Variants in ARHGAP6 observed in about 807,000 individuals in gnomAD.
ARHGAP6 encodes Rho GTPase activating protein 6, also known as rho GTPase-activating protein 6.
Under a neutral mutation model 55.7 loss-of-function variants are expected in ARHGAP6, and 16 were observed. The ratio of observed to expected loss-of-function variants is 0.29; its 90% CI spans 0.19 to 0.44. The LOEUF (loss-of-function observed/expected upper bound fraction) is 0.44, where lower values mean the gene tolerates loss of function less well. Ranked by LOEUF, ARHGAP6 falls within the 20% of genes least tolerant of loss-of-function variation. The pLI is 1.00. For synonymous variants in ARHGAP6, 382 were observed against 360.9 expected (o/e 1.06, Z -0.66); for missense variants, 698 against 808.9 (o/e 0.86, Z 1.66).
At chrX:11,515,547 C>T (rs1296669595) in intron 1 of ARHGAP6, among the ~76,000 whole-genome samples, 4 of 111,649 alleles carry the variant, frequency 3.6e-5, no homozygotes, top group African/African-American at 9.8e-5. Flanking sequence ...CAAATTTCTG[C>T]GCTTGGCTAA....
chrX:11,314,810 G>A (rs931856963), intron 1 of ARHGAP6, among the ~76,000 whole-genome samples: 6 of 111,746 alleles, frequency 5.4e-5, no homozygotes, highest in African/African-American at 2.0e-4. Flanking sequence ...GGAGGAGGGA[G>A]AGGAACAGGA....
chrX:11,363,869 T>C (rs1258767351), intron 1 of ARHGAP6, among the ~76,000 whole-genome samples: 4 of 112,293 alleles, frequency 3.6e-5, no homozygotes, highest in African/African-American at 1.3e-4. Flanking sequence ...CAAAGGAATA[T>C]AAATTGTTCT....
intron 1 of ARHGAP6, chrX:11,427,909 G>A (rs866042487): frequency 3.8e-6 from 2 of 522,981 alleles, no homozygotes; most frequent in Non-Finnish European, 4.7e-6. Context: ...AATTCCTTCC[G>A]CTCCTGGCGG....
intron 1 of ARHGAP6, among the ~76,000 whole-genome samples, chrX:11,267,380 C>T (rs754975734): frequency 9.0e-6 from 1 of 111,667 alleles, no homozygotes; most frequent in Non-Finnish European, 1.9e-5. Context: ...CAGTAGGTTA[C>T]ATTATTATCC....
intron 1 of ARHGAP6, among the ~76,000 whole-genome samples, chrX:11,281,334 G>A (rs1454518913): frequency 9.0e-6 from 1 of 110,949 alleles, no homozygotes; most frequent in Non-Finnish European, 1.9e-5. Flanking sequence ...ATCTGGCACA[G>A]GTGTGTTCAC....
At chrX:11,555,968 T>C (rs1165481458) in intron 1 of ARHGAP6, among the ~76,000 whole-genome samples, 1 of 110,845 alleles carries the variant, frequency 9.0e-6, no homozygotes, top group Admixed American at 9.6e-5. Flanking sequence ...GAAACGGAAG[T>C]TCACTGGAGG....
chrX:11,457,905 T>C (rs1207233029), intron 1 of ARHGAP6, among the ~76,000 whole-genome samples: 1 of 112,248 alleles, frequency 8.9e-6, no homozygotes, highest in East Asian at 2.8e-4. Flanking sequence ...TCTTCCTTAC[T>C]TTCTCACTGT....
chrX:11,579,050 A>G (rs1193640570), intron 1 of ARHGAP6, among the ~76,000 whole-genome samples: 1 of 53,438 alleles, frequency 1.9e-5, no homozygotes, highest in Non-Finnish European at 3.4e-5. Context: ...GGATGGGGGG[A>G]TGGGGGAGGG....
intron 2 of ARHGAP6, among the ~76,000 whole-genome samples, chrX:11,220,800 A>G (rs2046959125): frequency 9.2e-6 from 1 of 109,181 alleles, no homozygotes; most frequent in African/African-American, 3.3e-5. Context: ...TTTAAATGTA[A>G]ATGGACTAAA....
At chrX:11,364,204 G>A (rs1314118983) in intron 1 of ARHGAP6, among the ~76,000 whole-genome samples, 1 of 110,306 alleles carries the variant, frequency 9.1e-6, no homozygotes, top group Admixed American at 9.7e-5. Context: ...GCCTACTTGA[G>A]GGTGGAGGGT....
chrX:11,386,654 C>T (rs771799844), intron 1 of ARHGAP6, among the ~76,000 whole-genome samples: 177 of 112,005 alleles, frequency 1.6e-3, no homozygotes, highest in Non-Finnish European at 3.0e-3. Flanking sequence ...ACCAAATACA[C>T]GGGTCTGAAG....
At chrX:11,610,303 G>A (rs2052087891) in intron 1 of ARHGAP6, among the ~76,000 whole-genome samples, 3 of 109,972 alleles carry the variant, frequency 2.7e-5, no homozygotes, top group Non-Finnish European at 5.7e-5. Context: ...GTGAGCCCCA[G>A]GCACTGTGCC....
chrX:11,350,186 T>C (rs2048843720), intron 1 of ARHGAP6, among the ~76,000 whole-genome samples: 1 of 111,704 alleles, frequency 9.0e-6, no homozygotes. Context: ...CAAATGGACC[T>C]GCCACTCCAA....
chrX:11,493,738 C>T (rs1256626017), intron 1 of ARHGAP6, among the ~76,000 whole-genome samples: 1 of 111,084 alleles, frequency 9.0e-6, no homozygotes, highest in Non-Finnish European at 1.9e-5. Context: ...TATAGTAAGA[C>T]CTGGGCTCTA....
At chrX:11,484,075 T>TTTAAAAACCTAGAG (rs1400535701) in intron 1 of ARHGAP6, among the ~76,000 whole-genome samples, 2 of 112,036 alleles carry the variant, frequency 1.8e-5, no homozygotes, top group African/African-American at 6.5e-5. Context: ...TTCTCTTAAA[T>TTTAAAAACCTAGAG]TTAAAAACCT....
intron 2 of ARHGAP6, among the ~76,000 whole-genome samples, chrX:11,225,448 T>C (rs1188201141): frequency 1.8e-5 from 2 of 110,958 alleles, no homozygotes; most frequent in Middle Eastern, 4.6e-3. Flanking sequence ...GTTGAATATA[T>C]ATAAGAAAGA....
At chrX:11,460,469 A>G (rs5933888) in intron 1 of ARHGAP6, among the ~76,000 whole-genome samples, 12,807 of 110,886 alleles carry the variant, frequency 0.12, 708 homozygotes, top group Admixed American at 0.21. Flanking sequence ...GGATCCAGTT[A>G]GGTGTTCCTG....
At chrX:11,548,673 ATC>A (rs2051236654) in intron 1 of ARHGAP6, among the ~76,000 whole-genome samples, 1 of 110,457 alleles carries the variant, frequency 9.1e-6, no homozygotes, top group Non-Finnish European at 1.9e-5. Context: ...CAGCGACGTG[ATC>A]TCAGCTCACT....
chrX:11,492,259 G>A (rs1201103658), intron 1 of ARHGAP6, among the ~76,000 whole-genome samples: 1 of 110,426 alleles, frequency 9.1e-6, no homozygotes, highest in Non-Finnish European at 1.9e-5. Flanking sequence ...CATTGCTTTT[G>A]GTGTTTTAGA....
Sources: gnomAD v4.1 joint callset for allele counts (sites outside exome capture counted in the v4.1 genomes callset) on GRCh38, gnomAD v4.1.1 for gene constraint, MANE v1.5 for transcripts, NCBI Gene and HGNC (gene_info 2026-07-23, HGNC 2026-07-21) for gene names.